Variants in TENM2 observed in about 807,000 individuals in gnomAD.
TENM2 encodes the protein teneurin transmembrane protein 2.
TENM2 carries 52 observed loss-of-function variants against 245.2 expected under a neutral mutation model. The observed-to-expected ratio is 0.21, with a 90% confidence interval of 0.17 to 0.27. The LOEUF is 0.27. TENM2 is among the 10% of genes least tolerant of loss of function. The pLI, the probability that TENM2 is intolerant of heterozygous loss-of-function variation, is 1.00. For missense variants in TENM2, 3,046 were observed against 3,666.8 expected (o/e 0.83, Z 4.37); for synonymous variants, 1,363 against 1,438.9 (o/e 0.95, Z 1.19).
chr5:167,645,277 A>C (rs1029004320), intron 2 of TENM2, among the ~76,000 whole-genome samples: 16 of 152,106 alleles, frequency 1.1e-4, no homozygotes, highest in Non-Finnish European at 4.4e-5. Context: ...CATTTTCCCA[A>C]TCTCTTATAA....
intron 2 of TENM2, among the ~76,000 whole-genome samples, chr5:167,585,419 A>G (rs1283808770): frequency 6.6e-6 from 1 of 152,228 alleles, no homozygotes; most frequent in Non-Finnish European, 1.5e-5. Context: ...GAGCATTGTG[A>G]TCATGAATAC....
At chr5:167,391,988 A>T (rs1161995590) in intron 2 of TENM2, among the ~76,000 whole-genome samples, 1 of 152,030 alleles carries the variant, frequency 6.6e-6, no homozygotes, top group Non-Finnish European at 1.5e-5. Flanking sequence ...GAGAGACTGA[A>T]ATCAGTGGTT....
At chr5:167,798,454 G>A (rs997379762) in intron 2 of TENM2, among the ~76,000 whole-genome samples, 4 of 152,300 alleles carry the variant, frequency 2.6e-5, no homozygotes, top group African/African-American at 7.2e-5. Context: ...CTATGTAGAG[G>A]TAGGCACAGT....
At chr5:167,288,585 A>G (rs1020176554) in intron 1 of TENM2, among the ~76,000 whole-genome samples, 1 of 152,102 alleles carries the variant, frequency 6.6e-6, no homozygotes, top group Non-Finnish European at 1.5e-5. Context: ...GAAAAAGAAA[A>G]GAATAATGGC....
At chr5:167,235,586 C>T in the TENM2 span, among the ~76,000 whole-genome samples, 21 of 152,226 alleles carry the variant, frequency 1.4e-4, no homozygotes, top group East Asian at 7.7e-4. Context: ...AGGTATTGAT[C>T]GCAGTCTCTC....
chr5:167,948,577 A>G (rs533580857), intron 3 of TENM2, among the ~76,000 whole-genome samples: 2 of 152,356 alleles, frequency 1.3e-5, no homozygotes, highest in African/African-American at 2.4e-5. Context: ...ACCTAAAAAT[A>G]AATTCCAGGT....
intron 27 of TENM2, among the ~76,000 whole-genome samples, chr5:168,255,274 T>C (rs1358313723): frequency 6.6e-6 from 1 of 152,118 alleles, no homozygotes; most frequent in Non-Finnish European, 1.5e-5. Context: ...GATGCTGGTA[T>C]GTATTTACAC....
chr5:167,422,626 G>C (rs895465497), intron 2 of TENM2, among the ~76,000 whole-genome samples: 1 of 152,176 alleles, frequency 6.6e-6, no homozygotes, highest in African/African-American at 2.4e-5. Context: ...CAGGTAAGGA[G>C]AATTGTGAGT....
the TENM2 span, among the ~76,000 whole-genome samples, chr5:167,153,401 G>A: frequency 6.6e-6 from 1 of 152,096 alleles, no homozygotes; most frequent in Non-Finnish European, 1.5e-5. Context: ...TTAAATGGAA[G>A]TGGATGATCA....
chr5:167,335,765 C>A (rs1757717697), intron 1 of TENM2, among the ~76,000 whole-genome samples: 1 of 152,164 alleles, frequency 6.6e-6, no homozygotes, highest in Non-Finnish European at 1.5e-5. Context: ...CCAAACAAAT[C>A]CAACTAATCA....
the TENM2 span, among the ~76,000 whole-genome samples, chr5:167,034,332 A>T: frequency 6.6e-6 from 1 of 151,342 alleles, no homozygotes; most frequent in Admixed American, 6.6e-5. Flanking sequence ...AAATAGGTGT[A>T]CATGTGAAAT....
At chr5:167,216,074 G>T in the TENM2 span, among the ~76,000 whole-genome samples, 1 of 152,300 alleles carries the variant, frequency 6.6e-6, no homozygotes, top group South Asian at 2.1e-4. Context: ...ATCACAAGAG[G>T]TAGGTCCAGT....
At chr5:167,768,775 A>C (rs1294700983) in intron 2 of TENM2, among the ~76,000 whole-genome samples, 1 of 152,220 alleles carries the variant, frequency 6.6e-6, no homozygotes, top group Non-Finnish European at 1.5e-5. Context: ...TGATTAAGTA[A>C]GATAATAAAT....
intron 13 of TENM2, among the ~76,000 whole-genome samples, chr5:168,176,747 CTT>C (rs1218236709): frequency 2.6e-5 from 4 of 152,292 alleles, no homozygotes; most frequent in African/African-American, 4.8e-5. Flanking sequence ...TGAGTAAAAG[CTT>C]TCACGAGAAG....
chr5:167,911,837 TAA>T (rs960512159), intron 3 of TENM2, among the ~76,000 whole-genome samples: 9 of 152,198 alleles, frequency 5.9e-5, no homozygotes, highest in African/African-American at 2.2e-4. Flanking sequence ...TAATTGATTT[TAA>T]GTTTCTCTTT....
chr5:167,185,720 T>C, the TENM2 span, among the ~76,000 whole-genome samples: 1 of 152,056 alleles, frequency 6.6e-6, no homozygotes, highest in South Asian at 2.1e-4. Context: ...TCATTTTTTT[T>C]TTGGCTATCA....
chr5:167,698,688 T>G (rs531780822), intron 2 of TENM2, among the ~76,000 whole-genome samples: 69 of 142,392 alleles, frequency 4.8e-4, no homozygotes, highest in Non-Finnish European at 6.0e-4. Context: ...TGTTTTTTTT[T>G]TTTTTTTTTT....
chr5:167,298,751 ATTAT>A (rs1561844867), intron 1 of TENM2, among the ~76,000 whole-genome samples: 1 of 152,260 alleles, frequency 6.6e-6, no homozygotes, highest in Non-Finnish European at 1.5e-5. Context: ...GCCAGCAAAG[ATTAT>A]TTATTTACTT....
chr5:167,743,843 C>G (rs1439708889), intron 2 of TENM2, among the ~76,000 whole-genome samples: 1 of 152,190 alleles, frequency 6.6e-6, no homozygotes, highest in African/African-American at 2.4e-5. Flanking sequence ...GCGATGACTA[C>G]TGACCTTACC....
Sources: gnomAD v4.1 joint callset for allele counts (sites outside exome capture counted in the v4.1 genomes callset) on GRCh38, gnomAD v4.1.1 for gene constraint, MANE v1.5 for transcripts, NCBI Gene and HGNC (gene_info 2026-07-23, HGNC 2026-07-21) for gene names.